The following NEGR1 variants were observed in gnomAD, a reference collection of about 807,000 sequenced individuals.
NEGR1 encodes IgLON family member 4.
NEGR1 carries 10 observed loss-of-function variants against 40.9 expected under a neutral mutation model. That is an observed-to-expected ratio of 0.24 (90% CI 0.15 to 0.42). The LOEUF (loss-of-function observed/expected upper bound fraction) is 0.42, where lower values mean the gene tolerates loss of function less well. Among genes scored for constraint, NEGR1 ranks in the 10% least tolerant of loss-of-function variants. The pLI is 1.00. For missense variants in NEGR1, 352 were observed against 438.9 expected, an observed-to-expected ratio of 0.80 and a Z score of 1.77; for synonymous variants, 185 against 166.8, an observed-to-expected ratio of 1.11 and a Z score of -0.84.
At chr1:71,812,328 T>A (rs1161938124) in intron 2 of NEGR1, among the ~76,000 whole-genome samples, 1 of 152,192 alleles carries the variant, frequency 6.6e-6, no homozygotes, top group Non-Finnish European at 1.5e-5. Context: ...TCCATGCCTT[T>A]GCTATTATGA....
intron 4 of NEGR1, among the ~76,000 whole-genome samples, chr1:71,688,381 A>T (rs1254104936): frequency 9.5e-6 from 1 of 104,970 alleles, no homozygotes; most frequent in African/African-American, 3.2e-5. Flanking sequence ...TATATACATA[A>T]AAGATATATA....
chr1:71,897,922 A>G (rs1485449094), intron 2 of NEGR1, among the ~76,000 whole-genome samples: 1 of 152,154 alleles, frequency 6.6e-6, no homozygotes, highest in African/African-American at 2.4e-5. Context: ...TTCAGAAGAA[A>G]ATTATTTCCA....
intron 1 of NEGR1, among the ~76,000 whole-genome samples, chr1:71,963,683 G>T (rs1237186467): frequency 6.6e-6 from 1 of 152,084 alleles, no homozygotes. Flanking sequence ...ATATTGTACT[G>T]CAAACAAACT....
chr1:72,197,825 T>A (rs1653053520), intron 1 of NEGR1, among the ~76,000 whole-genome samples: 1 of 152,052 alleles, frequency 6.6e-6, no homozygotes, highest in African/African-American at 2.4e-5. Context: ...TTGGTAAGAT[T>A]CTATGATTTA....
chr1:72,206,621 A>G (rs1190882514), intron 1 of NEGR1, among the ~76,000 whole-genome samples: 1 of 152,070 alleles, frequency 6.6e-6, no homozygotes, highest in African/African-American at 2.4e-5. Context: ...TAGAGACCAA[A>G]AAGGCTGGGT....
chr1:72,050,327 A>C (rs1341214218), intron 1 of NEGR1, among the ~76,000 whole-genome samples: 2 of 151,558 alleles, frequency 1.3e-5, no homozygotes, highest in African/African-American at 4.8e-5. Context: ...ATTTCATTTA[A>C]ATGTATTTTT....
intron 3 of NEGR1, among the ~76,000 whole-genome samples, chr1:71,721,358 C>T (rs139644378): frequency 6.6e-6 from 1 of 152,168 alleles, no homozygotes; most frequent in East Asian, 1.9e-4. Context: ...ATGTGGTTGG[C>T]ATTCAGTCAA....
At chr1:72,240,797 A>G (rs1654707480) in intron 1 of NEGR1, among the ~76,000 whole-genome samples, 2 of 151,900 alleles carry the variant, frequency 1.3e-5, no homozygotes, top group Non-Finnish European at 2.9e-5. Flanking sequence ...CTTTTCCAAC[A>G]TGACCATGCT....
intron 1 of NEGR1, among the ~76,000 whole-genome samples, chr1:72,189,389 A>T (rs1652733144): frequency 6.6e-6 from 1 of 151,526 alleles, no homozygotes; most frequent in Non-Finnish European, 1.5e-5. Flanking sequence ...GAAGCTAGAA[A>T]ATTTCAATGT....
At chr1:72,054,402 T>C (rs997035355) in intron 1 of NEGR1, among the ~76,000 whole-genome samples, 8 of 151,328 alleles carry the variant, frequency 5.3e-5, no homozygotes, top group Non-Finnish European at 1.0e-4. Flanking sequence ...AGTGTTAGAC[T>C]GTAGATTCTT....
chr1:71,933,819 T>G (rs1380593424), intron 2 of NEGR1, among the ~76,000 whole-genome samples: 1 of 152,100 alleles, frequency 6.6e-6, no homozygotes, highest in African/African-American at 2.4e-5. Flanking sequence ...CTTTCCTCCT[T>G]AAAGTTAATT....
intron 1 of NEGR1, among the ~76,000 whole-genome samples, chr1:71,949,913 T>G (rs1305136825): frequency 6.6e-6 from 1 of 152,024 alleles, no homozygotes; most frequent in African/African-American, 2.4e-5. Flanking sequence ...TAGTTTCGTT[T>G]TCTTTCCTAT....
At chr1:71,630,407 T>A (rs911666965) in intron 4 of NEGR1, among the ~76,000 whole-genome samples, 3 of 151,936 alleles carry the variant, frequency 2.0e-5, no homozygotes, top group Admixed American at 6.6e-5. Context: ...TTAATTTGAA[T>A]TCACCATTTT....
intron 3 of NEGR1, among the ~76,000 whole-genome samples, chr1:71,745,431 C>T (rs1655350860): frequency 1.3e-5 from 2 of 150,658 alleles, no homozygotes; most frequent in South Asian, 4.2e-4. Flanking sequence ...AGGAGAAATT[C>T]CTCTTATTAA....
rs569054806 is a variant in NEGR1 at position 72,264,588 on chromosome 1, GCTACAATGTCTT to G, written c.176+17719_176+17730del. Among the ~76,000 whole-genome samples, 143 of 150,526 alleles carry G rather than the reference GCTACAATGTCTT, an allele frequency of 9.5e-4. 3 individuals are homozygous for G. Among genetic ancestry groups the G allele is most frequent in the Admixed American group, 8.4e-3 (127 of 15,036 alleles). On this transcript the variant is annotated intron_variant, in intron 1 of 6. Transcript: ENST00000357731. ...TCATATTTCTTTGTTGATATCTTAT[GCTACAATGTCTT>G]CTATTATTTGTTATCCAAATTAAAA...
At chr1:71,814,475 C>T (rs1658126056) in intron 2 of NEGR1, among the ~76,000 whole-genome samples, 1 of 151,904 alleles carries the variant, frequency 6.6e-6, no homozygotes, top group Non-Finnish European at 1.5e-5. Flanking sequence ...GGAATAGTTT[C>T]AGAAAAAATG....
intron 3 of NEGR1, among the ~76,000 whole-genome samples, chr1:71,720,963 T>G (rs1266227317): frequency 6.6e-6 from 1 of 152,192 alleles, no homozygotes; most frequent in African/African-American, 2.4e-5. Context: ...CAGTCAGCAC[T>G]GCAATATCCT....
intron 1 of NEGR1, among the ~76,000 whole-genome samples, chr1:72,049,913 TGTGAA>T (rs1647042498): frequency 6.6e-6 from 1 of 151,570 alleles, no homozygotes; most frequent in Admixed American, 6.6e-5. Context: ...CTCTGGGTAA[TGTGAA>T]GTAAAGTACC....
intron 3 of NEGR1, among the ~76,000 whole-genome samples, chr1:71,715,659 C>T (rs1654248004): frequency 6.6e-6 from 1 of 152,134 alleles, no homozygotes; most frequent in African/African-American, 2.4e-5. Flanking sequence ...ATCTCGAGGG[C>T]AGGGGGAAAA....
Sources: gnomAD v4.1 joint callset for allele counts (sites outside exome capture counted in the v4.1 genomes callset) on GRCh38, gnomAD v4.1.1 for gene constraint, MANE v1.5 for transcripts, NCBI Gene and HGNC (gene_info 2026-07-23, HGNC 2026-07-21) for gene names.